The following PTPN7 variants were observed in gnomAD, a reference collection of about 807,000 sequenced individuals.
PTPN7 encodes tyrosine-protein phosphatase non-receptor type 7.
Under a neutral mutation model 50.3 loss-of-function variants are expected in PTPN7, and 33 were observed. The ratio of observed to expected loss-of-function variants is 0.66; its 90% CI spans 0.50 to 0.88. The LOEUF (loss-of-function observed/expected upper bound fraction) is 0.88. Ranked by LOEUF, PTPN7 falls within the 40% of genes least tolerant of loss-of-function variation. The pLI is 0.00. For missense variants in PTPN7, 412 were observed against 475.4 expected (o/e 0.87, Z 1.24); for synonymous variants, 185 against 186.6 (o/e 0.99, Z 0.07).
Position 202,148,614 on chromosome 1 carries a change from T to TG in PTPN7, c.1074dup (p.Ser359GlnfsTer30). 1 of 1,613,914 alleles carries TG rather than the reference T, an allele frequency of 6.2e-7. No homozygotes were observed. The highest frequency in any genetic ancestry group is 8.5e-7 in the Non-Finnish European group (1 of 1,179,912). Reference sequence around the variant, plus strand: ...CCGGAGGGTGGCAGGGGTCAGGGGCTGGGTTCCTCAGGCAGCTGGCCTGCA... The same window carrying TG: ...CCGGAGGGTGGCAGGGGTCAGGGGCTGGGGTTCCTCAGGCAGCTGGCCTGCA... On this transcript the variant is annotated frameshift_variant, in exon 10 of 10. Coordinates refer to ENST00000691036, the MANE Select transcript of PTPN7 (RefSeq NM_002832.4). LOFTEE classifies it high-confidence loss of function.
rs772872176 is a variant in PTPN7 at position 202,155,654 on chromosome 1, AACTAACACAG to A, written c.392-55_392-46del. ...AGAGGTCAGAGGTCAGAAGGTGACC[AACTAACACAG>A]ACTCAAGCAGGGTCAGAAAGAGGAG... is the stretch of plus-strand genomic sequence containing the variant. On this transcript the variant is annotated intron_variant, in intron 4 of 9. Transcript: ENST00000691036. 6 of 1,474,610 alleles carry A rather than the reference AACTAACACAG, an allele frequency of 4.1e-6. No homozygotes were observed. The East Asian group carries it at 1.4e-4, about 33-fold the overall frequency. 91.3% of individuals were successfully genotyped at this position (1,474,610 alleles called of 1,614,324 possible).
intron 9 of PTPN7, chr1:202,149,864 G>C (rs1171235625): frequency 9.2e-6 from 1 of 108,882 alleles, no homozygotes; most frequent in Non-Finnish European, 1.7e-5. Context: ...TCAGAGTCTT[G>C]CTCTGTCACC....
chr1:202,155,359 T>C (rs931266079), intron 5 of PTPN7, among the ~76,000 whole-genome samples, 174 bp downstream of exon 5: 5 of 152,040 alleles, frequency 3.3e-5, no homozygotes, highest in African/African-American at 1.2e-4. Flanking sequence ...TTTAGGTTGG[T>C]GTTTTGGGGC....
At chr1:202,160,742 G>A (rs1478867172), upstream of PTPN7, 14 of 1,550,566 alleles carry the variant, frequency 9.0e-6, no homozygotes, top group South Asian at 1.2e-5. This position sits in a 1 kb window ranked among gnomAD's most constrained non-coding sequence, Gnocchi z 4.8. Context: ...CCTCCCGCCT[G>A]TGCCCTTCTG....
chr1:202,159,232 G>T lies in PTPN7; in HGVS notation c.122+49C>A, dbSNP rs1160818676. ...GGCAGATGGAAGGAAGGGAGGAGCGGAATGGGGGCTCAGGGCTCGGAAGAC... is the reference window on the plus strand; with the variant it reads ...GGCAGATGGAAGGAAGGGAGGAGCGTAATGGGGGCTCAGGGCTCGGAAGAC... On this transcript the variant is annotated intron_variant, in intron 2 of 9. Transcript: ENST00000691036. The surrounding 1 kb of genome is among the most constrained non-coding windows in gnomAD (Gnocchi z 4.6). 1.3e-6 allele frequency: 2 copies of T among 1,571,044 alleles called. No homozygotes were observed. Among genetic ancestry groups the T allele is most frequent in the Non-Finnish European group, 1.7e-6 (2 of 1,144,568 alleles).
intron 8 of PTPN7, among the ~76,000 whole-genome samples, chr1:202,151,884 C>T (rs1403566085): frequency 6.6e-6 from 1 of 152,198 alleles, no homozygotes; most frequent in Admixed American, 6.5e-5. Flanking sequence ...TGGTTCATAG[C>T]TGTCTCCTTA....
Position 202,160,531 on chromosome 1 carries a change from C to A in PTPN7, c.-53+14G>T, listed in dbSNP as rs1240416569. 19 of 1,543,336 alleles carry A rather than the reference C, an allele frequency of 1.2e-5. No individual in the cohort carries two copies. The highest frequency in any genetic ancestry group is 1.6e-5 in the Non-Finnish European group (18 of 1,141,586). On this transcript the variant is annotated intron_variant, in intron 1 of 9. Coordinates refer to ENST00000691036, the MANE Select transcript of PTPN7 (RefSeq NM_002832.4). The surrounding 1 kb of genome is among the most constrained non-coding windows in gnomAD (Gnocchi z 4.8). The stretch of plus-strand genomic sequence containing the variant: ...GGGGCCACAGGACTCCCAGTCCCCC[C>A]TTCAGATACTTACTGAAGCAGCTGT...
At position 202,159,412 on chromosome 1, in the gene PTPN7, G is replaced by T; in HGVS notation, c.-10C>A. 6.2e-7 allele frequency: 1 copy of T among 1,614,186 alleles called. No individual in the cohort carries two copies. Among genetic ancestry groups the T allele is most frequent in the Non-Finnish European group, 8.5e-7 (1 of 1,180,030 alleles). The stretch of plus-strand genomic sequence containing the variant: ...CATGGGCTTGGACCATGCTGAGGTG[G>T]GGTGCTGGGCCCAGGGGAGGCTCAC... On this transcript the variant is annotated 5_prime_UTR_variant, in exon 2 of 10. Coordinates refer to ENST00000691036, the MANE Select transcript of PTPN7 (RefSeq NM_002832.4). This position sits in a 1 kb window ranked among gnomAD's most constrained non-coding sequence, Gnocchi z 4.6.
chr1:202,153,965 C>G, intron 6 of PTPN7, 130 bp from the exon 7 acceptor site: 1 of 988,314 alleles, frequency 1.0e-6, no homozygotes, highest in Non-Finnish European at 1.6e-6. Context: ...GGGAGCCTGG[C>G]TCTTCTGAGC....
chr1:202,160,464 T>C lies in PTPN7; in HGVS notation c.-53+81A>G. On this transcript the variant is annotated intron_variant, in intron 1 of 9. Coordinates refer to ENST00000691036, the MANE Select transcript of PTPN7 (RefSeq NM_002832.4). The surrounding 1 kb of genome is among the most constrained non-coding windows in gnomAD (Gnocchi z 4.8). Reference sequence around the variant, plus strand: ...GCCCCACTCGCCCTCCCGCACTCCCTCCTAGAGATGCCCTCTTATATCCCC... The same window carrying C: ...GCCCCACTCGCCCTCCCGCACTCCCCCCTAGAGATGCCCTCTTATATCCCC... 2 of 1,401,918 alleles carry C rather than the reference T, an allele frequency of 1.4e-6. No homozygotes were observed. The highest frequency in any genetic ancestry group is 1.9e-6 in the Non-Finnish European group (2 of 1,030,606). The allele number at this position is 1,401,918 out of a possible 1,614,324, so 86.8% of individuals were successfully genotyped here.
rs1657129523 is a variant in PTPN7 at position 202,159,671 on chromosome 1, A to G, written c.-52-217T>C. The G allele has an allele frequency of 1.4e-6, 2 of 1,411,710 alleles. No individual in the cohort carries two copies. Among genetic ancestry groups the G allele is most frequent in the Non-Finnish European group, 1.8e-6 (2 of 1,084,742 alleles). The allele number at this position is 1,411,710 out of a possible 1,614,324, so 87.4% of individuals were successfully genotyped here. On this transcript the variant is annotated intron_variant, in intron 1 of 9. Transcript: ENST00000691036. The surrounding 1 kb of genome is among the most constrained non-coding windows in gnomAD (Gnocchi z 4.6). ...AGAGTAACGGCAAGATAAAGGGTAG[A>G]GATTGTGGATGAAGATAGGAAAGAA... is the stretch of plus-strand genomic sequence containing the variant.
intron 8 of PTPN7, among the ~76,000 whole-genome samples, chr1:202,151,743 C>G (rs1393378418): frequency 6.6e-6 from 1 of 152,008 alleles, no homozygotes; most frequent in African/African-American, 2.4e-5. Flanking sequence ...TCTTGAACTC[C>G]CGACCTCAGG....
In PTPN7 at chr1:202,147,907, C is replaced by A. The variant is rs1407937073; in HGVS notation, c.*699G>T. ...CACATGTTCCCTCTTCCAGAGATTT[C>A]AACTGCCAGGCCTGGTCACCTCTGT... On this transcript the variant is annotated 3_prime_UTR_variant, in exon 10 of 10. Coordinates refer to ENST00000691036, the MANE Select transcript of PTPN7 (RefSeq NM_002832.4). The A allele has an allele frequency of 6.6e-6, 1 of 152,254 alleles. No individual in the cohort carries two copies. The highest frequency in any genetic ancestry group is 1.5e-5 in the Non-Finnish European group (1 of 68,080). 9.4% of individuals were successfully genotyped at this position (152,254 alleles called of 1,614,324 possible). A position where few individuals can be genotyped will look rare whatever the true frequency, so the allele number is the denominator to read the frequency against.
rs200712994 is a variant in PTPN7, at chr1:202,152,706, T to A, written c.718-7A>T. On this transcript the variant is annotated splice_region_variant and splice_polypyrimidine_tract_variant and intron_variant, in intron 7 of 9. Transcript: ENST00000691036. ...ACCGGCGCTCTTCCTGGTACTGGAT[T>A]GGAGACAAGGCATGAGAACCAAGGT... 106 of 1,613,708 alleles carry A rather than the reference T, an allele frequency of 6.6e-5. No homozygotes were observed. The highest frequency in any genetic ancestry group is 1.6e-4 in the Middle Eastern group (1 of 6,082).
At chr1:202,153,942 G>C in intron 6 of PTPN7, 107 bp from the exon 7 acceptor site, 2 of 1,053,334 alleles carry the variant, frequency 1.9e-6, no homozygotes, top group Non-Finnish European at 2.9e-6. Flanking sequence ...TACTGGATGG[G>C]AGGTCAGCAA....
Position 202,157,803 on chromosome 1 carries a change from G to A in PTPN7, c.327C>T (p.Val109=). 6.2e-7 allele frequency: 1 copy of A among 1,614,170 alleles called. No individual in the cohort carries two copies. The highest frequency in any genetic ancestry group is 8.5e-7 in the Non-Finnish European group (1 of 1,179,990). The change falls in exon 4 of 10, where the codon GTC becomes GTT. Residue 109 remains valine (V), a synonymous_variant. Transcript: ENST00000691036. ...CAGGGATGTCCAGGTCTTCGGGGCT[G>A]ACAAAGTTTGAAGGGATCTTCTGGC... is the stretch of plus-strand genomic sequence containing the variant. ...EEFLKIPSNF[V]SPEDLDIPGH...
Position 202,160,439 on chromosome 1 carries a change from G to T in PTPN7, c.-53+106C>A. The T allele has an allele frequency of 1.7e-6, 2 of 1,182,858 alleles. No individual in the cohort carries two copies. The highest frequency in any genetic ancestry group is 1.5e-5 in the South Asian group (1 of 67,320). 73.3% of individuals were successfully genotyped at this position (1,182,858 alleles called of 1,614,324 possible). A position where few individuals can be genotyped will look rare whatever the true frequency, so the allele number is the denominator to read the frequency against. The stretch of plus-strand genomic sequence containing the variant: ...CCATACCCCAGCCAGGCACTGTGGC[G>T]CCCCACTCGCCCTCCCGCACTCCCT... On this transcript the variant is annotated intron_variant, in intron 1 of 9. Transcript: ENST00000691036. The surrounding 1 kb of genome is among the most constrained non-coding windows in gnomAD (Gnocchi z 4.8).
At chr1:202,157,884 C>T (rs1656864155) in intron 3 of PTPN7, 61 bp from the exon 4 acceptor site, 2 of 1,528,360 alleles carry the variant, frequency 1.3e-6, no homozygotes, top group Non-Finnish European at 9.1e-7. Context: ...CTCCTTCTAC[C>T]TTTTTCTAGA....
chr1:202,158,140 T>G lies in PTPN7; in HGVS notation c.284A>C (p.Lys95Thr), dbSNP rs1439377522. The change falls in exon 3 of 10, where the codon AAG becomes ACG. Residue 95 changes from lysine (K) to threonine (T), a missense_variant. Physicochemically the swap from Lys to Thr is moderately conservative, Grantham distance 78. Coordinates refer to ENST00000691036, the MANE Select transcript of PTPN7 (RefSeq NM_002832.4). ...WALQRQPPSP[K>T]QLEEEFLKIP... ...TACCAAGAATTCTTCTTCCAGTTGCTTGGGGCTGGGTGGCTGGCGCTGAAG... is the reference window on the plus strand; with the variant it reads ...TACCAAGAATTCTTCTTCCAGTTGCGTGGGGCTGGGTGGCTGGCGCTGAAG... 6.2e-7 allele frequency: 1 copy of G among 1,600,774 alleles called. No homozygotes were observed. Among genetic ancestry groups the G allele is most frequent in the Admixed American group, 1.8e-5 (1 of 56,904 alleles).
Sources: allele counts gnomAD v4.1 joint callset (sites outside exome capture counted in the v4.1 genomes callset), GRCh38; gene constraint gnomAD v4.1.1; non-coding constraint Gnocchi (gnomAD v3.1); transcripts MANE v1.5; gene names NCBI Gene and HGNC (gene_info 2026-07-23, HGNC 2026-07-21).